CDH8: variants seen among roughly 807,000 people sequenced by gnomAD.
The protein encoded by CDH8 is cadherin 8.
A neutral mutation model predicts 68.1 loss-of-function variants in CDH8; 17 were observed. That is an observed-to-expected ratio of 0.25 (90% CI 0.17 to 0.37). The LOEUF is 0.37. Among genes scored for constraint, CDH8 ranks in the 10% least tolerant of loss-of-function variants. CDH8 has a pLI of 1.00. For missense variants in CDH8, 763 were observed against 999.3 expected, an observed-to-expected ratio of 0.76 and a Z score of 3.19; for synonymous variants, 372 against 365.1, an observed-to-expected ratio of 1.02 and a Z score of -0.21.
At chr16:62,026,630 C>T (rs991246743) in intron 1 of CDH8, among the ~76,000 whole-genome samples, 9 of 152,182 alleles carry the variant, frequency 5.9e-5, no homozygotes, top group African/African-American at 2.2e-4. Flanking sequence ...TATGATGTGA[C>T]AATACTTTCC....
intron 7 of CDH8, among the ~76,000 whole-genome samples, chr16:61,814,983 A>T (rs1962039201): frequency 6.6e-6 from 1 of 152,192 alleles, no homozygotes; most frequent in Non-Finnish European, 1.5e-5. Flanking sequence ...GGTTTAATAA[A>T]AAATGTGTGG....
intron 10 of CDH8, chr16:61,692,186 G>A (rs961210987): frequency 1.3e-5 from 2 of 152,088 alleles, no homozygotes; most frequent in African/African-American, 4.8e-5. Context: ...GAGTCACTCT[G>A]CTGACATGAA....
At chr16:61,689,149 T>C (rs554998920) in intron 10 of CDH8, among the ~76,000 whole-genome samples, 2 of 152,116 alleles carry the variant, frequency 1.3e-5, no homozygotes, top group Admixed American at 1.3e-4. Context: ...GGTCCTTTAT[T>C]TCATTTCACA....
chr16:61,795,967 T>C (rs1011821902), intron 7 of CDH8, among the ~76,000 whole-genome samples: 5 of 152,062 alleles, frequency 3.3e-5, no homozygotes, highest in Non-Finnish European at 7.4e-5. Context: ...TGTATAAACA[T>C]TTGCCTGACC....
chr16:61,827,082 C>CA, intron 4 of CDH8, among the ~76,000 whole-genome samples: 1 of 151,700 alleles, frequency 6.6e-6, no homozygotes, highest in East Asian at 1.9e-4. Context: ...AACAGATAAG[C>CA]AAAAAACAGC....
intron 7 of CDH8, among the ~76,000 whole-genome samples, chr16:61,800,616 C>T (rs1477626155): frequency 6.6e-6 from 1 of 152,176 alleles, no homozygotes; most frequent in African/African-American, 2.4e-5. Flanking sequence ...TCATCCCAAA[C>T]TTGATTTGTC....
intron 8 of CDH8, among the ~76,000 whole-genome samples, chr16:61,727,555 C>G (rs563574314): frequency 6.6e-6 from 1 of 150,998 alleles, no homozygotes; most frequent in Admixed American, 6.6e-5. Context: ...AAAAATGTAT[C>G]TCTTTTTTTC....
chr16:61,807,912 T>A (rs376928407), intron 7 of CDH8, among the ~76,000 whole-genome samples: 6 of 152,192 alleles, frequency 3.9e-5, no homozygotes, highest in East Asian at 3.8e-4. Flanking sequence ...CCCTAACAAA[T>A]GGCTTTCATT....
intron 2 of CDH8, among the ~76,000 whole-genome samples, chr16:61,941,398 ACT>A (rs1192739275): frequency 1.3e-5 from 2 of 152,026 alleles, no homozygotes; most frequent in Non-Finnish European, 2.9e-5. Context: ...CCCTTGAAAT[ACT>A]CTCTTTTTCT....
At chr16:61,906,849 T>C (rs574521654) in intron 2 of CDH8, among the ~76,000 whole-genome samples, 18 of 152,200 alleles carry the variant, frequency 1.2e-4, no homozygotes, top group Non-Finnish European at 2.5e-4. Flanking sequence ...TCGCATTTCC[T>C]CACATATGTA....
chr16:61,959,976 G>GTGTA (rs1555524790), intron 2 of CDH8, among the ~76,000 whole-genome samples: 1 of 53,610 alleles, frequency 1.9e-5, no homozygotes, highest in East Asian at 8.7e-4. Context: ...GTGTATGTGT[G>GTGTA]TGTGTGTGTA....
chr16:61,974,892 C>T (rs1477041361), intron 2 of CDH8, among the ~76,000 whole-genome samples: 3 of 152,066 alleles, frequency 2.0e-5, no homozygotes, highest in Non-Finnish European at 4.4e-5. Context: ...CATTGATTTC[C>T]TGATAAGAAC....
intron 3 of CDH8, among the ~76,000 whole-genome samples, chr16:61,867,665 T>A (rs1228546516): frequency 6.6e-6 from 1 of 152,092 alleles, no homozygotes; most frequent in African/African-American, 2.4e-5. Context: ...TTTCCACCAA[T>A]TACCCAGAGC....
chr16:61,695,492 G>C (rs1235124778), intron 10 of CDH8, among the ~76,000 whole-genome samples: 1 of 152,086 alleles, frequency 6.6e-6, no homozygotes, highest in Non-Finnish European at 1.5e-5. Context: ...CTTGATCTGA[G>C]GCCTTGTGAA....
At chr16:61,657,929 A>T (rs946060200) in intron 10 of CDH8, among the ~76,000 whole-genome samples, 1 of 152,012 alleles carries the variant, frequency 6.6e-6, no homozygotes, top group Non-Finnish European at 1.5e-5. Flanking sequence ...TTCTATAAAT[A>T]TTTTTTTACT....
chr16:61,799,331 G>A lies in CDH8; in HGVS notation c.1278-9849C>T, dbSNP rs567164137. Among the ~76,000 whole-genome samples, 5 of 152,240 alleles carry A rather than the reference G, an allele frequency of 3.3e-5. No individual in the cohort carries two copies. In the South Asian group the frequency reaches 1.0e-3, roughly 32 times the overall value. ...AAGTATAAAAAAAGCATCTTACAAT[G>A]TAACAGTTCAGACCATAGGACCAGA... On this transcript the variant is annotated intron_variant, in intron 7 of 11. Transcript: ENST00000577390.
chr16:61,948,017 C>T (rs1016059987), intron 2 of CDH8, among the ~76,000 whole-genome samples: 2 of 152,102 alleles, frequency 1.3e-5, no homozygotes, highest in African/African-American at 4.8e-5. Context: ...CTGTCCTGGA[C>T]TAGTTATCCA....
intron 2 of CDH8, among the ~76,000 whole-genome samples, chr16:61,902,026 T>G: frequency 6.6e-6 from 1 of 150,832 alleles, no homozygotes; most frequent in African/African-American, 2.5e-5. Context: ...GCCTGTGATG[T>G]TTATACAAAC....
chr16:61,652,852 T>G lies in CDH8; in HGVS notation c.*756A>C, dbSNP rs1378720777. 1.8e-5 allele frequency: 27 copies of G among 1,523,392 alleles called. No homozygotes were observed. The highest frequency in any genetic ancestry group is 2.4e-5 in the Non-Finnish European group (27 of 1,140,862). The allele number at this position is 1,523,392 out of a possible 1,614,324, so 94.4% of individuals were successfully genotyped here. A position where few individuals can be genotyped will look rare whatever the true frequency, so the allele number is the denominator to read the frequency against. On this transcript the variant is annotated 3_prime_UTR_variant, in exon 12 of 12. Coordinates refer to ENST00000577390, the MANE Select transcript of CDH8 (RefSeq NM_001796.5). ...CACTGTGTGATACAGTTTATCTTTG[T>G]GTCCTTGTGGAAGAAGATGAAGAGG...
Sources: gnomAD v4.1 joint callset for allele counts (sites outside exome capture counted in the v4.1 genomes callset) on GRCh38, gnomAD v4.1.1 for gene constraint, MANE v1.5 for transcripts, NCBI Gene and HGNC (gene_info 2026-07-23, HGNC 2026-07-21) for gene names.